Variants in GATB observed in about 807,000 individuals in gnomAD.
GATB encodes glutamyl-tRNA amidotransferase subunit B.
GATB carries 39 observed loss-of-function variants against 62.3 expected under a neutral mutation model. The ratio of observed to expected loss-of-function variants is 0.63; its 90% CI spans 0.48 to 0.82. The LOEUF is 0.82. Among genes scored for constraint, GATB ranks in the 40% least tolerant of loss-of-function variants. GATB has a pLI of 0.00. For missense variants in GATB, 670 were observed against 684.0 expected (o/e 0.98, Z 0.23); for synonymous variants, 276 against 258.9 (o/e 1.07, Z -0.63).
chr4:151,760,987 A>C lies in GATB; in HGVS notation c.-5T>G. ...GCGCAGCATGGGCGCCGCCATTGTAACTCCAGGGTCTTGGTCAGGTGACTC... is the reference window on the plus strand; with the variant it reads ...GCGCAGCATGGGCGCCGCCATTGTACCTCCAGGGTCTTGGTCAGGTGACTC... On this transcript the variant is annotated 5_prime_UTR_variant, in exon 1 of 13. Transcript: ENST00000263985. 1 of 1,607,968 alleles carries C rather than the reference A, an allele frequency of 6.2e-7. No individual in the cohort carries two copies. The highest frequency in any genetic ancestry group is 8.5e-7 in the Non-Finnish European group (1 of 1,177,766).
intron 2 of GATB, among the ~76,000 whole-genome samples, chr4:151,732,565 G>A (rs1405133925): frequency 6.6e-6 from 1 of 152,060 alleles, no homozygotes; most frequent in East Asian, 1.9e-4. Flanking sequence ...CAAGTACCCA[G>A]GGACACAAAC....
intron 5 of GATB, among the ~76,000 whole-genome samples, chr4:151,708,935 G>A (rs565492359): frequency 2.0e-5 from 3 of 152,262 alleles, no homozygotes; most frequent in East Asian, 3.9e-4. Flanking sequence ...AATAGATGTA[G>A]GTAAGAAAGA....
Position 151,708,093 on chromosome 4 carries a change from A to G in GATB, c.772T>C (p.Leu258=), listed in dbSNP as rs1358295715. The change falls in exon 6 of 13, where the codon TTG becomes CTG. Residue 258 remains leucine (L), a synonymous_variant. Transcript: ENST00000263985. ...TSQANMAEGQ[L]RVDANISVHH... is the part of the protein sequence containing the mutation. ...ACGGATATATTGGCATCCACTCTCA[A>G]CTGGCCCTCTGGAAGGAGAGAAGAA... The G allele has an allele frequency of 6.2e-7, 1 of 1,610,644 alleles. No homozygotes were observed. Among genetic ancestry groups the G allele is most frequent in the Non-Finnish European group, 8.5e-7 (1 of 1,177,130 alleles).
intron 2 of GATB, among the ~76,000 whole-genome samples, chr4:151,744,853 C>T (rs72962958): frequency 0.01 from 1,554 of 152,242 alleles, 31 homozygotes; most frequent in African/African-American, 0.036. Flanking sequence ...GGGAGACATC[C>T]GGTTAACTAA....
rs200105130 is a variant in GATB at position 151,757,768 on chromosome 4, C to T, written c.327+1004G>A. 8.6e-5 allele frequency among the ~76,000 whole-genome samples: 13 copies of T among 152,024 alleles called. No homozygotes were observed. The East Asian group carries it at 9.7e-4, about 11-fold the overall frequency. On this transcript the variant is annotated intron_variant, in intron 2 of 12. Coordinates refer to ENST00000263985, the MANE Select transcript of GATB (RefSeq NM_004564.3). ...CTGGGATTACAGGCGTGAGCCACCG[C>T]GCCCGGCCTCAACCAGCTTCCACTC...
At chr4:151,737,297 T>G (rs1211462118) in intron 2 of GATB, among the ~76,000 whole-genome samples, 1 of 152,224 alleles carries the variant, frequency 6.6e-6, no homozygotes, top group African/African-American at 2.4e-5. Context: ...TGTTATGTTT[T>G]AGCAAAGAGA....
intron 2 of GATB, among the ~76,000 whole-genome samples, chr4:151,757,950 A>G (rs1179288533): frequency 6.6e-6 from 1 of 152,220 alleles, no homozygotes; most frequent in Non-Finnish European, 1.5e-5. Flanking sequence ...GCTATTTATT[A>G]GCTAAAACAT....
chr4:151,719,298 C>A, intron 3 of GATB, 127 bp downstream of exon 3: 1 of 662,326 alleles, frequency 1.5e-6, no homozygotes, highest in Non-Finnish European at 2.6e-6. Flanking sequence ...GAACTTCCTG[C>A]TGGGATGGAC....
At position 151,703,842 on chromosome 4, in the gene GATB, A is replaced by G. The variant is rs377689639; in HGVS notation, c.1007+9T>C. ...TATATAGCGGTATTTTGCCATAAGG[A>G]GTAACCACCTGTAGTCCTGTTTTCC... On this transcript the variant is annotated intron_variant, in intron 8 of 12. Transcript: ENST00000263985. 3.2e-6 allele frequency: 5 copies of G among 1,575,640 alleles called. No homozygotes were observed. Among genetic ancestry groups the G allele is most frequent in the East Asian group, 4.5e-5 (2 of 44,732 alleles).
chr4:151,693,888 G>A (rs1322434407), intron 9 of GATB, among the ~76,000 whole-genome samples: 1 of 152,210 alleles, frequency 6.6e-6, no homozygotes, highest in Non-Finnish European at 1.5e-5. Context: ...CTCCAGGGGA[G>A]ATGCTGAAGG....
intron 2 of GATB, among the ~76,000 whole-genome samples, chr4:151,754,549 A>T (rs1278838682): frequency 6.6e-6 from 1 of 152,214 alleles, no homozygotes; most frequent in Non-Finnish European, 1.5e-5. Context: ...TGGGCATCCA[A>T]TATATGCCAG....
At chr4:151,732,229 A>G (rs1270774638) in intron 2 of GATB, among the ~76,000 whole-genome samples, 1 of 152,214 alleles carries the variant, frequency 6.6e-6, no homozygotes, top group Non-Finnish European at 1.5e-5. Context: ...TGTACCCAAC[A>G]GCTCATTGAG....
At chr4:151,690,273 T>TC (rs1167489814) in intron 9 of GATB, among the ~76,000 whole-genome samples, 1 of 152,230 alleles carries the variant, frequency 6.6e-6, no homozygotes, top group Non-Finnish European at 1.5e-5. Flanking sequence ...AGATAAATTC[T>TC]CTGGTGACAA....
At chr4:151,691,207 T>A (rs1738358979) in intron 9 of GATB, among the ~76,000 whole-genome samples, 1 of 152,114 alleles carries the variant, frequency 6.6e-6, no homozygotes, top group African/African-American at 2.4e-5. Flanking sequence ...TTTAATGTCC[T>A]CCTCAAAAGC....
chr4:151,754,173 G>C (rs1456518471), intron 2 of GATB, among the ~76,000 whole-genome samples: 2 of 152,144 alleles, frequency 1.3e-5, no homozygotes, highest in African/African-American at 2.4e-5. Flanking sequence ...CCCTTTATCA[G>C]GGCTTATATG....
rs886367723 is a variant in GATB at position 151,698,692 on chromosome 4, A to C, written c.1197+2637T>G. On this transcript the variant is annotated intron_variant, in intron 9 of 12. Transcript: ENST00000263985. ...CAGGCTGCCTAATTTCAGGAAAACAATTTGTCTGAATCATTCTCTTTCCAT... is the reference window on the plus strand; with the variant it reads ...CAGGCTGCCTAATTTCAGGAAAACACTTTGTCTGAATCATTCTCTTTCCAT... Among the ~76,000 whole-genome samples, 7 of 152,184 alleles carry C rather than the reference A, an allele frequency of 4.6e-5. No homozygotes were observed. In the South Asian group the frequency reaches 1.2e-3, roughly 27 times the overall value.
At chr4:151,734,350 C>CAAAAA (rs201480862) in intron 2 of GATB, among the ~76,000 whole-genome samples, 3 of 132,568 alleles carry the variant, frequency 2.3e-5, no homozygotes. Flanking sequence ...AAATAGCTGC[C>CAAAAA]AAAAAAAAAA....
At chr4:151,706,457 G>A (rs1440766473) in intron 6 of GATB, among the ~76,000 whole-genome samples, 4 of 152,166 alleles carry the variant, frequency 2.6e-5, no homozygotes, top group African/African-American at 4.8e-5. Context: ...TCCTCCATTT[G>A]TTCCAGGCTT....
chr4:151,682,332 A>G (rs1183123945), intron 10 of GATB, among the ~76,000 whole-genome samples: 1 of 152,188 alleles, frequency 6.6e-6, no homozygotes, highest in Non-Finnish European at 1.5e-5. Context: ...ACGATGACAA[A>G]GATCAGTACC....
Sources: allele counts gnomAD v4.1 joint callset (sites outside exome capture counted in the v4.1 genomes callset), GRCh38; gene constraint gnomAD v4.1.1; transcripts MANE v1.5; gene names NCBI Gene and HGNC (gene_info 2026-07-23, HGNC 2026-07-21).